LAMA5: variants seen among roughly 807,000 people sequenced by gnomAD.
The protein encoded by LAMA5 is laminin subunit alpha 5, also known as laminin subunit alpha-5.
A neutral mutation model predicts 433.4 loss-of-function variants in LAMA5; 260 were observed. The observed-to-expected ratio is 0.60, with a 90% confidence interval of 0.54 to 0.66. The LOEUF (loss-of-function observed/expected upper bound fraction) is 0.66. LAMA5 is among the 30% of genes least tolerant of loss of function. The probability of loss-of-function intolerance (pLI) is 0.00; values close to 1 mark genes in which losing one functional copy is unlikely to be tolerated. For missense variants in LAMA5, 5,378 were observed against 5,258.5 expected (o/e 1.02, Z -0.70); for synonymous variants, 2,620 against 2,226.6 (o/e 1.18, Z -4.97).
intron 40 of LAMA5, 75 bp from the exon 41 acceptor site, chr20:62,325,621 A>T: frequency 3.1e-6 from 3 of 973,884 alleles, no homozygotes; most frequent in Non-Finnish European, 4.6e-6. Flanking sequence ...CAGACCCCCC[A>T]ACCCTGTAGG....
chr20:62,336,822 G>A lies in LAMA5; in HGVS notation c.2165-36C>T, dbSNP rs754772469. 15 of 1,606,890 alleles carry A rather than the reference G, an allele frequency of 9.3e-6. No individual in the cohort carries two copies. The South Asian group carries it at 1.3e-4, about 14-fold the overall frequency. ...AGGACCATGCCTCGGTCATTTCCCAGTGACCAACCCGGAAGGCCAAGGGTG... is the reference window on the plus strand; with the variant it reads ...AGGACCATGCCTCGGTCATTTCCCAATGACCAACCCGGAAGGCCAAGGGTG... On this transcript the variant is annotated intron_variant, in intron 16 of 79. Coordinates refer to ENST00000252999, the MANE Select transcript of LAMA5 (RefSeq NM_005560.6).
chr20:62,347,926 G>A (rs1200235364), intron 6 of LAMA5, among the ~76,000 whole-genome samples: 1 of 152,186 alleles, frequency 6.6e-6, no homozygotes, highest in East Asian at 1.9e-4. Flanking sequence ...AGAAACATCT[G>A]GGAGGGCCAT....
rs776590775 is a variant in LAMA5, at chr20:62,322,074, C to A, written c.6441G>T (p.Gln2147His). The A allele has an allele frequency of 6.2e-6, 10 of 1,600,692 alleles. No individual in the cohort carries two copies. In the South Asian group the frequency reaches 8.8e-5, roughly 14 times the overall value. Residue 2147 changes from glutamine (Q) to histidine (H), a missense_variant, in exon 48 of 80, where the codon CAG (glutamine) becomes CAT (histidine). Transcript: ENST00000252999. Reference sequence around the variant, plus strand: ...CGCCTGGAACAGGCACCTGATGCTGCTGGCTGCAGGTGTCGCAGCGCTCCC... The same window carrying A: ...CGCCTGGAACAGGCACCTGATGCTGATGGCTGCAGGTGTCGCAGCGCTCCC... ...LSGERCDTCS[Q>H]QHQVPVPGGP...
rs145071993 is a variant in LAMA5 at position 62,316,795 on chromosome 20, G to A, written c.7654-22C>T. The A allele has an allele frequency of 1.0e-4, 161 of 1,586,896 alleles. No homozygotes were observed. In the African/African-American group the frequency reaches 1.2e-3, roughly 12 times the overall value. The stretch of plus-strand genomic sequence containing the variant: ...CCGTCTGTGGATGCCAGGGCAGACC[G>A]TGGCTCAGACACGCAGGCCGGGGCT... On this transcript the variant is annotated intron_variant, in intron 56 of 79. Coordinates refer to ENST00000252999, the MANE Select transcript of LAMA5 (RefSeq NM_005560.6).
intron 6 of LAMA5, 32 bp downstream of exon 6, chr20:62,351,672 C>G: frequency 6.3e-7 from 1 of 1,599,308 alleles, no homozygotes; most frequent in Non-Finnish European, 8.5e-7. Context: ...GGGGCCTCAC[C>G]TGAACGGGGC....
intron 31 of LAMA5, among the ~76,000 whole-genome samples, 170 bp downstream of exon 31, chr20:62,330,318 G>A (rs974836745): frequency 1.3e-5 from 2 of 152,246 alleles, no homozygotes; most frequent in African/African-American, 2.4e-5. Flanking sequence ...GGGAACGGGA[G>A]CGGGCGGGTA....
At chr20:62,309,922 CG>C (rs1444460323) in intron 78 of LAMA5, 65 bp downstream of exon 78, 1 of 1,605,226 alleles carries the variant, frequency 6.2e-7, no homozygotes, top group African/African-American at 1.3e-5. Flanking sequence ...CCCAGAGTCC[CG>C]CCTGGCTCCC....
chr20:62,318,484 G>C lies in LAMA5; in HGVS notation c.7209C>G (p.Ser2403Arg), dbSNP rs775965498. 6.2e-7 allele frequency: 1 copy of C among 1,606,310 alleles called. No individual in the cohort carries two copies. Residue 2403 changes from serine (S) to arginine (R), a missense_variant, in exon 53 of 80, where the codon AGC becomes AGG. Coordinates refer to ENST00000252999, the MANE Select transcript of LAMA5 (RefSeq NM_005560.6). ...DATREAQELN[S>R]RNQERLEEAL... ...CTTCCTCCAGGCGCTCCTGGTTGCG[G>C]CTGTTGAGCTCCTGGGCCTCCCGTG...
At position 62,325,331 on chromosome 20, in the gene LAMA5, C is replaced by T; in HGVS notation, c.5514G>A (p.Arg1838=). ...CTAACCTCACCTGGCATGAGTCCCC[C>T]CGGTAGCTGGCGGGGCACAGGCACA... is the stretch of plus-strand genomic sequence containing the variant. ...VELCLCPASY[R]GDSCQECAPG... is the part of the protein sequence containing the mutation. Residue 1838 remains arginine, a synonymous_variant, in exon 41 of 80, where the codon CGG becomes CGA. Coordinates refer to ENST00000252999, the MANE Select transcript of LAMA5 (RefSeq NM_005560.6). 5 of 1,590,034 alleles carry T rather than the reference C, an allele frequency of 3.1e-6. No individual in the cohort carries two copies. The highest frequency in any genetic ancestry group is 4.3e-6 in the Non-Finnish European group (5 of 1,165,790).
rs1414920502 is a variant in LAMA5, at chr20:62,316,974, C to A, written c.7561G>T (p.Ala2521Ser). 6.4e-7 allele frequency: 1 copy of A among 1,561,476 alleles called. No individual in the cohort carries two copies. Among genetic ancestry groups the A allele is most frequent in the Non-Finnish European group, 8.7e-7 (1 of 1,150,540 alleles). ...QDRLTQRAIEASNAYSRILQA... is the reference protein window; with the variant it reads ...QDRLTQRAIESSNAYSRILQA... The stretch of plus-strand genomic sequence containing the variant: ...AGGATGCGGCTGTAGGCGTTGGAGG[C>A]CTCGATGGCCCTCTGGGTGAGGCGG... The change falls in exon 56 of 80, where the codon GCC becomes TCC. Residue 2521 changes from alanine (A) to serine (S), a missense_variant. Physicochemically the swap from Ala to Ser is moderately conservative, Grantham distance 99 (BLOSUM62 1). Transcript: ENST00000252999.
chr20:62,348,494 C>T (rs978292532), intron 6 of LAMA5, among the ~76,000 whole-genome samples: 9 of 152,060 alleles, frequency 5.9e-5, no homozygotes, highest in Admixed American at 5.2e-4. Flanking sequence ...GTAGTCCCAG[C>T]TACTCAGGAG....
At position 62,324,491 on chromosome 20, in the gene LAMA5, G is replaced by C. The variant is rs1568925386; in HGVS notation, c.5593C>G (p.Gln1865Glu). Residue 1865 changes from glutamine (Q) to glutamate (E), a missense_variant, in exon 42 of 80, where the codon CAG becomes GAG. Transcript: ENST00000252999. The surrounding 1 kb of genome is among the most constrained non-coding windows in gnomAD (Gnocchi z 4.4). The part of the protein sequence containing the change: ...GLFLGRCVPC[Q>E]CHGHSDRCLP... ...CAGCGGTCTGAGTGTCCATGGCACT[G>C]ACAAGGGACACATCGGCCCAGGAAG... is the stretch of plus-strand genomic sequence containing the variant. 6.2e-7 allele frequency: 1 copy of C among 1,612,432 alleles called. No homozygotes were observed. The highest frequency in any genetic ancestry group is 8.5e-7 in the Non-Finnish European group (1 of 1,179,830).
intron 18 of LAMA5, among the ~76,000 whole-genome samples, chr20:62,336,034 A>G (rs1226491137): frequency 7.7e-6 from 1 of 130,020 alleles, no homozygotes; most frequent in East Asian, 2.4e-4. Context: ...AGGAACCCCT[A>G]TACCCCAATA....
chr20:62,325,212 T>TGAGTAGGGG, intron 41 of LAMA5, 104 bp downstream of exon 41: 1 of 713,686 alleles, frequency 1.4e-6, no homozygotes. Context: ...GTGAGTAGGG[T>TGAGTAGGGG]GACAGGAAGT....
In LAMA5 at chr20:62,317,648, G is replaced by A. The variant is rs368286083; in HGVS notation, c.7356+14C>T. On this transcript the variant is annotated intron_variant, in intron 54 of 79. Transcript: ENST00000252999. ...GTGGATGGGGTGGCGACAGGGGCCA[G>A]GGGCTGCACTCACCTCCTTAGCCTG... The A allele has an allele frequency of 3.2e-6, 5 of 1,548,280 alleles. No homozygotes were observed. In the African/African-American group the frequency reaches 5.5e-5, roughly 17 times the overall value.
At chr20:62,318,780 C>T (rs1372820786) in intron 52 of LAMA5, 63 bp downstream of exon 52, 32 of 1,587,152 alleles carry the variant, frequency 2.0e-5, no homozygotes, top group Non-Finnish European at 2.7e-5. Flanking sequence ...TGCTGACCTC[C>T]CCCTTGGAGC....
At chr20:62,348,006 T>C (rs769355122) in intron 6 of LAMA5, among the ~76,000 whole-genome samples, 9 of 152,202 alleles carry the variant, frequency 5.9e-5, no homozygotes, top group Non-Finnish European at 1.2e-4. Flanking sequence ...AGCTGCTCTG[T>C]CGTCACACCA....
chr20:62,349,952 G>A (rs1302962196), intron 6 of LAMA5, among the ~76,000 whole-genome samples: 2 of 151,266 alleles, frequency 1.3e-5, no homozygotes, highest in Non-Finnish European at 3.0e-5. Context: ...CTTCCCTGGA[G>A]GAGAGGTGGG....
intron 28 of LAMA5, among the ~76,000 whole-genome samples, chr20:62,331,839 G>A (rs1264667733): frequency 1.3e-5 from 2 of 152,194 alleles, no homozygotes; most frequent in Non-Finnish European, 1.5e-5. Flanking sequence ...ATCACCTGAG[G>A]TCAGGAGTTT....
Sources: allele counts gnomAD v4.1 joint callset (sites outside exome capture counted in the v4.1 genomes callset), GRCh38; gene constraint gnomAD v4.1.1; non-coding constraint Gnocchi (gnomAD v3.1); transcripts MANE v1.5; gene names NCBI Gene and HGNC (gene_info 2026-07-23, HGNC 2026-07-21).